Variants in LIN7A observed in about 807,000 individuals in gnomAD.
LIN7A encodes the protein protein lin-7 homolog A.
A neutral mutation model predicts 29.8 loss-of-function variants in LIN7A; 25 were observed. The observed-to-expected ratio is 0.84, with a 90% CI of 0.61 to 1.17. The LOEUF (loss-of-function observed/expected upper bound fraction) is 1.17. Ranked by LOEUF, LIN7A falls within the 50% of genes most tolerant of loss-of-function variation. LIN7A has a pLI of 0.00. For synonymous variants in LIN7A, 118 were observed against 107.5 expected (o/e 1.10, Z -0.60); for missense variants, 239 against 287.0 (o/e 0.83, Z 1.21).
chr12:80,796,154 T>G lies in LIN7A; in HGVS notation c.*1573A>C, dbSNP rs1307931658. The G allele has an allele frequency of 6.6e-6, 1 of 152,194 alleles. No homozygotes were observed. The highest frequency in any genetic ancestry group is 1.5e-5 in the Non-Finnish European group (1 of 68,012). 9.4% of individuals were successfully genotyped at this position (152,194 alleles called of 1,614,324 possible). ...AGAAGACAGTCTAAACTGAGCTTCA[T>G]ACATTTCTATTTTGGGGGATTATCT... On this transcript the variant is annotated 3_prime_UTR_variant, in exon 6 of 6. Transcript: ENST00000552864.
chr12:80,872,807 T>A (rs1451208515), intron 2 of LIN7A, among the ~76,000 whole-genome samples: 2 of 152,214 alleles, frequency 1.3e-5, no homozygotes, highest in African/African-American at 4.8e-5. Flanking sequence ...TATGAAGAGA[T>A]CAAATTATTT....
At chr12:80,935,446 G>T (rs1878156364) in intron 1 of LIN7A, among the ~76,000 whole-genome samples, 1 of 152,100 alleles carries the variant, frequency 6.6e-6, no homozygotes. Context: ...TCCTGATGTG[G>T]CACAGAGAGA....
rs573193564 is a variant in LIN7A, at chr12:80,919,286, G to A, written c.82+18355C>T. 2.6e-5 allele frequency among the ~76,000 whole-genome samples: 4 copies of A among 152,286 alleles called. No individual in the cohort carries two copies. The South Asian group carries it at 8.3e-4, about 32-fold the overall frequency. ...TATAGTTCATATTGTATGAGTTAAC[G>A]TTGCAAAACAGTAGTAGTAAAAGGG... On this transcript the variant is annotated intron_variant, in intron 1 of 5. Coordinates refer to ENST00000552864, the MANE Select transcript of LIN7A (RefSeq NM_004664.4).
rs182560881 is a variant in LIN7A, at chr12:80,853,618, C to T, written c.202-5296G>A. Among the ~76,000 whole-genome samples the T allele has an allele frequency of 1.6e-4, 22 of 134,302 alleles. No individual in the cohort carries two copies. The East Asian group carries it at 4.7e-3, about 29-fold the overall frequency. The allele number at this position is 134,302 out of a possible 152,430, so 88.1% of individuals were successfully genotyped here. On this transcript the variant is annotated intron_variant, in intron 2 of 5. Coordinates refer to ENST00000552864, the MANE Select transcript of LIN7A (RefSeq NM_004664.4). ...GAAACCATACTTAGATACACCTACA[C>T]ACTTATTAGAATGTGTAGGTTAAAA... is the stretch of plus-strand genomic sequence containing the variant.
chr12:80,851,158 G>A (rs1372243160), intron 2 of LIN7A, among the ~76,000 whole-genome samples: 2 of 152,064 alleles, frequency 1.3e-5, no homozygotes, highest in Non-Finnish European at 2.9e-5. Context: ...GGTGTTATGA[G>A]AATTTCTTTA....
intron 2 of LIN7A, among the ~76,000 whole-genome samples, chr12:80,877,371 A>G (rs924698889): frequency 3.9e-5 from 6 of 152,176 alleles, no homozygotes; most frequent in African/African-American, 1.4e-4. Flanking sequence ...AACCACAACA[A>G]TGCAAAAATT....
chr12:80,816,894 G>A (rs537759679), intron 4 of LIN7A, among the ~76,000 whole-genome samples: 41 of 152,280 alleles, frequency 2.7e-4, no homozygotes, highest in Middle Eastern at 6.8e-3. Flanking sequence ...TCAGCCTCCC[G>A]AGTAGCTGGG....
chr12:80,813,097 G>A (rs1040070546), intron 4 of LIN7A, among the ~76,000 whole-genome samples: 7 of 151,686 alleles, frequency 4.6e-5, no homozygotes, highest in African/African-American at 9.7e-5. Flanking sequence ...TGCAAGCTCC[G>A]CCTCCCGGGT....
At chr12:80,880,158 A>G (rs896496177) in intron 2 of LIN7A, among the ~76,000 whole-genome samples, 2 of 152,190 alleles carry the variant, frequency 1.3e-5, no homozygotes, top group Non-Finnish European at 2.9e-5. Flanking sequence ...ATGTCAATGG[A>G]AAGGTCACAA....
intron 4 of LIN7A, among the ~76,000 whole-genome samples, chr12:80,837,235 T>C (rs568238200): frequency 6.6e-6 from 1 of 152,318 alleles, no homozygotes; most frequent in African/African-American, 2.4e-5. Flanking sequence ...TGTAGAGGAC[T>C]GGATAATTTC....
At chr12:80,920,460 G>C (rs941587709) in intron 1 of LIN7A, among the ~76,000 whole-genome samples, 1 of 152,126 alleles carries the variant, frequency 6.6e-6, no homozygotes, top group Non-Finnish European at 1.5e-5. Flanking sequence ...ATTGTTGGTT[G>C]TAAGTGATAT....
At chr12:80,912,577 T>C (rs927201021) in intron 1 of LIN7A, among the ~76,000 whole-genome samples, 2 of 151,678 alleles carry the variant, frequency 1.3e-5, no homozygotes, top group Non-Finnish European at 2.9e-5. Context: ...TAGCTGGGTG[T>C]GATGGCTCAC....
chr12:80,826,680 G>C (rs1294352866), intron 4 of LIN7A, among the ~76,000 whole-genome samples: 3 of 152,038 alleles, frequency 2.0e-5, no homozygotes, highest in Non-Finnish European at 4.4e-5. Flanking sequence ...GTGCCACCAT[G>C]CCTGGCTAAT....
intron 4 of LIN7A, among the ~76,000 whole-genome samples, chr12:80,823,238 C>T (rs573073728): frequency 6.6e-6 from 1 of 152,226 alleles, no homozygotes; most frequent in African/African-American, 2.4e-5. Flanking sequence ...CTCAAACATG[C>T]CCCTTGCTCA....
In LIN7A at chr12:80,931,729, A is replaced by C. The variant is rs1350372212; in HGVS notation, c.82+5912T>G. 1.3e-5 allele frequency among the ~76,000 whole-genome samples: 2 copies of C among 152,210 alleles called. 1 individual carries two copies. On this transcript the variant is annotated intron_variant, in intron 1 of 5. Transcript: ENST00000552864. ...CACTCATTGATTTACAAAGAAATAA[A>C]AAAGTTCAGTTCAATTTTTTAATAT...
At chr12:80,935,761 G>A (rs1392951201) in intron 1 of LIN7A, 2 of 506,972 alleles carry the variant, frequency 3.9e-6, no homozygotes, top group Non-Finnish European at 8.4e-6. Flanking sequence ...GGGTAAACCT[G>A]CTTGTCTCCT....
At chr12:80,875,229 A>C (rs1248238142) in intron 2 of LIN7A, among the ~76,000 whole-genome samples, 1 of 152,170 alleles carries the variant, frequency 6.6e-6, no homozygotes, top group Non-Finnish European at 1.5e-5. Context: ...GAAGGTACCA[A>C]ATGGATCAGT....
At chr12:80,803,658 T>G (rs1870828191) in intron 5 of LIN7A, among the ~76,000 whole-genome samples, 1 of 152,194 alleles carries the variant, frequency 6.6e-6, no homozygotes, top group Non-Finnish European at 1.5e-5. Context: ...TTCCTACTTC[T>G]GTGAAAAATG....
chr12:80,842,613 G>A (rs1245724482), intron 4 of LIN7A, among the ~76,000 whole-genome samples: 1 of 144,288 alleles, frequency 6.9e-6, no homozygotes, highest in East Asian at 2.0e-4. Flanking sequence ...TTTCTTTTTT[G>A]GCCTTTCCAT....
Sources: gnomAD v4.1 joint callset for allele counts (sites outside exome capture counted in the v4.1 genomes callset) on GRCh38, gnomAD v4.1.1 for gene constraint, MANE v1.5 for transcripts, NCBI Gene and HGNC (gene_info 2026-07-23, HGNC 2026-07-21) for gene names.